The following UBASH3A variants were observed in gnomAD, a reference collection of about 807,000 sequenced individuals.
UBASH3A encodes the protein ubiquitin-associated and SH3 domain-containing protein A.
A neutral mutation model predicts 73.5 loss-of-function variants in UBASH3A; 63 were observed. That is an observed-to-expected ratio of 0.86 (90% CI 0.70 to 1.06). The LOEUF is 1.06. Among genes scored for constraint, UBASH3A ranks in the 50% least tolerant of loss-of-function variants. The probability of loss-of-function intolerance (pLI) is 0.00; values close to 1 mark genes in which losing one functional copy is unlikely to be tolerated. For missense variants in UBASH3A, 860 were observed against 859.0 expected (o/e 1.00, Z -0.02); for synonymous variants, 363 against 351.1 (o/e 1.03, Z -0.38).
chr21:42,432,713 C>G (rs2146574234), intron 9 of UBASH3A, among the ~76,000 whole-genome samples: 1 of 152,280 alleles, frequency 6.6e-6, no homozygotes, highest in Non-Finnish European at 1.5e-5. Flanking sequence ...TAGCCGAACC[C>G]TTTTGGGATC....
intron 3 of UBASH3A, chr21:42,410,612 T>C (rs1461737333): frequency 4.8e-6 from 1 of 206,214 alleles, no homozygotes; most frequent in Non-Finnish European, 9.6e-6. Context: ...TCGAGAGAGT[T>C]TTCCCCCTAC....
intron 1 of UBASH3A, among the ~76,000 whole-genome samples, chr21:42,404,540 A>G (rs778601713): frequency 6.6e-6 from 1 of 152,272 alleles, no homozygotes; most frequent in South Asian, 2.1e-4. Flanking sequence ...GAAGCCATGT[A>G]TTACTCTGGG....
chr21:42,443,931 A>G (rs940167102), intron 13 of UBASH3A, among the ~76,000 whole-genome samples: 1 of 152,180 alleles, frequency 6.6e-6, no homozygotes, highest in Non-Finnish European at 1.5e-5. Context: ...CCTGGGAAAC[A>G]AAAGAGACAG....
chr21:42,411,370 C>T (rs551196794), intron 3 of UBASH3A, among the ~76,000 whole-genome samples: 9 of 152,116 alleles, frequency 5.9e-5, no homozygotes, highest in South Asian at 2.1e-4. Context: ...CAGAGACACA[C>T]ATTAGATAGA....
rs762710367 is a variant in UBASH3A, at chr21:42,418,525, T to A, written c.962T>A (p.Ile321Asn). 31 of 1,614,182 alleles carry A rather than the reference T, an allele frequency of 1.9e-5. No homozygotes were observed. Among genetic ancestry groups the A allele is most frequent in the Non-Finnish European group, 2.5e-5 (30 of 1,180,024 alleles). The change falls in exon 7 of 15, where the codon ATC (isoleucine) becomes AAC (asparagine). Residue 321 changes from isoleucine (I) to asparagine (N), a missense_variant. By Grantham distance (149) the Ile-to-Asn change is moderately radical. Transcript: ENST00000319294. ...GCCAGCGAGGGCTGGGTGATTGGGATCTCACAGCGGACGGGCTGCCGGGGC... is the reference window on the plus strand; with the variant it reads ...GCCAGCGAGGGCTGGGTGATTGGGAACTCACAGCGGACGGGCTGCCGGGGC... ...DEASEGWVIG[I>N]SQRTGCRGFL...
Position 42,443,368 on chromosome 21 carries a change from A to G in UBASH3A, c.1688A>G (p.Asp563Gly). ...GCCGAGAGCTACCAGGAGTACATGG[A>G]CAGGTGCACGGCGAGCATGGTGCAA... The part of the protein sequence containing the change: ...MPAESYQEYM[D>G]RCTASMVQIV... The change falls in exon 13 of 15, where the codon GAC (aspartate) becomes GGC (glycine). Residue 563 changes from aspartate to glycine, a missense_variant. Asp to Gly is a moderately conservative substitution (Grantham distance 94). Coordinates refer to ENST00000319294, the MANE Select transcript of UBASH3A (RefSeq NM_018961.4). 2 of 1,613,358 alleles carry G rather than the reference A, an allele frequency of 1.2e-6. No individual in the cohort carries two copies. The highest frequency in any genetic ancestry group is 1.1e-5 in the South Asian group (1 of 90,916).
At chr21:42,435,047 C>T in intron 10 of UBASH3A, 93 bp downstream of exon 10, 1 of 1,471,174 alleles carries the variant, frequency 6.8e-7, no homozygotes, top group Non-Finnish European at 9.3e-7. Context: ...AGCTACACAC[C>T]CTTTGATACA....
chr21:42,404,156 C>T (rs2052921066), intron 1 of UBASH3A, 98 bp downstream of exon 1: 2 of 599,800 alleles, frequency 3.3e-6, no homozygotes, highest in African/African-American at 1.9e-5. Flanking sequence ...TAGGGTACGG[C>T]TTCCTGCCAA....
chr21:42,404,421 C>G (rs148133982), intron 1 of UBASH3A, among the ~76,000 whole-genome samples: 147 of 152,090 alleles, frequency 9.7e-4, no homozygotes, highest in African/African-American at 3.3e-3. Flanking sequence ...TTAGTGTTAG[C>G]GTATTTTATG....
At chr21:42,412,896 A>T (rs2053128509) in intron 3 of UBASH3A, 128 bp from the exon 4 acceptor site, 1 of 840,016 alleles carries the variant, frequency 1.2e-6, no homozygotes, top group Non-Finnish European at 1.9e-6. Context: ...GGACGCAATA[A>T]ATTATGTTAC....
At chr21:42,422,509 G>A (rs1346796248) in intron 7 of UBASH3A, among the ~76,000 whole-genome samples, 2 of 152,236 alleles carry the variant, frequency 1.3e-5, no homozygotes, top group African/African-American at 4.8e-5. Context: ...TGTTCACACA[G>A]CAAGTGAGCA....
intron 1 of UBASH3A, among the ~76,000 whole-genome samples, chr21:42,405,865 C>T (rs1240274190): frequency 6.6e-6 from 1 of 151,828 alleles, no homozygotes; most frequent in Non-Finnish European, 1.5e-5. Flanking sequence ...GGGCTGTTTC[C>T]CAGCAGAGAG....
In UBASH3A at chr21:42,413,006, C is replaced by T; in HGVS notation, c.355-18C>T. The T allele has an allele frequency of 6.2e-7, 1 of 1,606,444 alleles. No homozygotes were observed. The highest frequency in any genetic ancestry group is 8.5e-7 in the Non-Finnish European group (1 of 1,173,440). On this transcript the variant is annotated intron_variant, in intron 3 of 14. Transcript: ENST00000319294. This position sits in a 1 kb window ranked among gnomAD's most constrained non-coding sequence, Gnocchi z 4.5. Reference sequence around the variant, plus strand: ...GATGAGAGGTGTGGAAACACAGGCTCTGTCTCTGTCCCCTTAGTGTGAAGA... The same window carrying T: ...GATGAGAGGTGTGGAAACACAGGCTTTGTCTCTGTCCCCTTAGTGTGAAGA...
chr21:42,427,830 G>A (rs927740720), intron 8 of UBASH3A, among the ~76,000 whole-genome samples: 1 of 152,130 alleles, frequency 6.6e-6, no homozygotes, highest in Non-Finnish European at 1.5e-5. Context: ...ACAACCAAAG[G>A]AAGGCTCTGC....
chr21:42,445,183 C>A (rs112764046), intron 14 of UBASH3A, among the ~76,000 whole-genome samples: 1 of 152,204 alleles, frequency 6.6e-6, no homozygotes, highest in African/African-American at 2.4e-5. Context: ...CCTTGATTAT[C>A]ACTCAGCAAA....
intron 8 of UBASH3A, among the ~76,000 whole-genome samples, chr21:42,431,737 T>C (rs1452125479): frequency 1.3e-5 from 2 of 152,234 alleles, no homozygotes; most frequent in African/African-American, 4.8e-5. Flanking sequence ...TAATCTATAC[T>C]ATAACAATAC....
chr21:42,435,104 G>A, intron 10 of UBASH3A, 150 bp downstream of exon 10: 1 of 1,004,590 alleles, frequency 1.0e-6, no homozygotes, highest in Non-Finnish European at 1.4e-6. Context: ...GGCACAGAGA[G>A]GTTAAGCAAC....
In UBASH3A at chr21:42,447,517, T is replaced by A; in HGVS notation, c.*323T>A. ...ACTCTAACTTCCAGGAATTAAAGAC[T>A]CACCACACACGAAGGATCTAACCAC... On this transcript the variant is annotated 3_prime_UTR_variant, in exon 15 of 15. Transcript: ENST00000319294. 1 of 243,364 alleles carries A rather than the reference T, an allele frequency of 4.1e-6. No homozygotes were observed. The highest frequency in any genetic ancestry group is 7.8e-6 in the Non-Finnish European group (1 of 127,454). 15.1% of individuals were successfully genotyped at this position (243,364 alleles called of 1,614,324 possible). A position where few individuals can be genotyped will look rare whatever the true frequency, so the allele number is the denominator to read the frequency against.
Position 42,447,038 on chromosome 21 carries a change from AT to A in UBASH3A, c.1849-16del. ...ACTTGCTATAAGATATTAACAAGTG[AT>A]TTAAAACTCTGTTCCAGATCCCTTC... On this transcript the variant is annotated intron_variant, in intron 14 of 14. Coordinates refer to ENST00000319294, the MANE Select transcript of UBASH3A (RefSeq NM_018961.4). 1 of 1,607,150 alleles carries A rather than the reference AT, an allele frequency of 6.2e-7. No homozygotes were observed. The highest frequency in any genetic ancestry group is 8.5e-7 in the Non-Finnish European group (1 of 1,177,626).
Sources: gnomAD v4.1 joint callset for allele counts (sites outside exome capture counted in the v4.1 genomes callset) on GRCh38, gnomAD v4.1.1 for gene constraint, Gnocchi (gnomAD v3.1) non-coding constraint, MANE v1.5 for transcripts, NCBI Gene and HGNC (gene_info 2026-07-23, HGNC 2026-07-21) for gene names.